The following PPM1B variants were observed in gnomAD, a reference collection of about 807,000 sequenced individuals.
The protein encoded by PPM1B is protein phosphatase, Mg2+/Mn2+ dependent 1B, also known as protein phosphatase 1B.
A neutral mutation model predicts 43.0 loss-of-function variants in PPM1B; 22 were observed. The ratio of observed to expected loss-of-function variants is 0.51; its 90% CI spans 0.37 to 0.73. PPM1B has a LOEUF of 0.73. PPM1B is among the 30% of genes least tolerant of loss of function. The probability of loss-of-function intolerance (pLI) is 0.00; values close to 1 mark genes in which losing one functional copy is unlikely to be tolerated. For synonymous variants in PPM1B, 217 were observed against 197.9 expected, an observed-to-expected ratio of 1.10 and a Z score of -0.81; for missense variants, 632 against 584.2, an observed-to-expected ratio of 1.08 and a Z score of -0.84.
intron 2 of PPM1B, among the ~76,000 whole-genome samples, chr2:44,202,392 A>G (rs971750744): frequency 6.6e-6 from 1 of 152,240 alleles, no homozygotes; most frequent in Non-Finnish European, 1.5e-5. Flanking sequence ...TGTATATAGT[A>G]GAATTCTGTA....
intron 4 of PPM1B, 140 bp from the exon 5 acceptor site, chr2:44,218,340 A>G: frequency 1.4e-6 from 1 of 709,800 alleles, no homozygotes; most frequent in Non-Finnish European, 2.4e-6. Context: ...TTCTGAGAGT[A>G]AAGTGTAGAA....
chr2:44,203,874 G>GT (rs1248652886), intron 2 of PPM1B, among the ~76,000 whole-genome samples: 3 of 152,154 alleles, frequency 2.0e-5, no homozygotes, highest in Admixed American at 6.5e-5. Flanking sequence ...AAGGATGCTA[G>GT]TTTTTGAGAA....
chr2:44,193,575 C>CT (rs575288322), intron 1 of PPM1B, among the ~76,000 whole-genome samples: 1,828 of 116,694 alleles, frequency 0.016, 22 homozygotes, highest in Middle Eastern at 0.019. Flanking sequence ...AATTTTTTTT[C>CT]TTTTTTTTTT....
chr2:44,232,437 T>C, downstream of PPM1B: 2 of 1,574,836 alleles, frequency 1.3e-6, no homozygotes, highest in Non-Finnish European at 1.7e-6. Context: ...GAAAATATTC[T>C]TGCGGATTCC....
chr2:44,199,275 G>C (rs1443875933), intron 1 of PPM1B, among the ~76,000 whole-genome samples: 2 of 136,632 alleles, frequency 1.5e-5, no homozygotes, highest in Admixed American at 7.4e-5. Context: ...AAAAAGAGCC[G>C]GGTGTGGTGG....
chr2:44,197,905 A>G (rs985095063), intron 1 of PPM1B, among the ~76,000 whole-genome samples: 11 of 152,268 alleles, frequency 7.2e-5, no homozygotes, highest in African/African-American at 2.6e-4. Context: ...TGTTATCGCT[A>G]TTTATGTTAC....
chr2:44,233,553 A>G (rs1670527394), downstream of PPM1B: 1 of 985,634 alleles, frequency 1.0e-6, no homozygotes, highest in African/African-American at 1.7e-5. Context: ...CATGGTTTAC[A>G]TGTTGTGGAT....
intron 5 of PPM1B, among the ~76,000 whole-genome samples, chr2:44,227,922 CTT>C (rs59259343): frequency 1.6e-4 from 17 of 106,766 alleles, no homozygotes; most frequent in African/African-American, 1.8e-4. Flanking sequence ...TTTTTCTTTT[CTT>C]TTTTTTTTTT....
intron 1 of PPM1B, among the ~76,000 whole-genome samples, chr2:44,186,619 C>G (rs1365933457): frequency 6.6e-6 from 1 of 152,216 alleles, no homozygotes; most frequent in Non-Finnish European, 1.5e-5. Flanking sequence ...AGGCAATCCA[C>G]CCGCCTGAGC....
In PPM1B at chr2:44,221,962, A is replaced by G. The variant is rs1669997424; in HGVS notation, c.1134+3425A>G. 2.6e-5 allele frequency among the ~76,000 whole-genome samples: 4 copies of G among 152,104 alleles called. No homozygotes were observed. The South Asian group carries it at 6.2e-4, about 24-fold the overall frequency. On this transcript the variant is annotated intron_variant, in intron 5 of 5. Transcript: ENST00000282412. Reference sequence around the variant, plus strand: ...GTGTTCCATCTTCTTACCACAAACAATATTGATATTTTCCCAACTTTTAAA... The same window carrying G: ...GTGTTCCATCTTCTTACCACAAACAGTATTGATATTTTCCCAACTTTTAAA...
rs1668553798 is a variant in PPM1B at position 44,194,341 on chromosome 2, G to C, written c.-14-6845G>C. 2.6e-5 allele frequency among the ~76,000 whole-genome samples: 4 copies of C among 152,094 alleles called. No homozygotes were observed. The South Asian group carries it at 8.3e-4, about 32-fold the overall frequency. On this transcript the variant is annotated intron_variant, in intron 1 of 5. Coordinates refer to ENST00000282412, the MANE Select transcript of PPM1B (RefSeq NM_002706.6). The stretch of plus-strand genomic sequence containing the variant: ...TATTCCTGTGTGTAAGTAATCTGTG[G>C]GTACTTTCTCTGGGACTAGTGAATT...
At chr2:44,214,348 C>T (rs1219212819) in intron 3 of PPM1B, among the ~76,000 whole-genome samples, 4 of 151,310 alleles carry the variant, frequency 2.6e-5, no homozygotes, top group East Asian at 1.9e-4. Context: ...GGATTACAGG[C>T]GTGAGCCACT....
chr2:44,194,895 T>C (rs890225058), intron 1 of PPM1B, among the ~76,000 whole-genome samples: 55 of 149,704 alleles, frequency 3.7e-4, no homozygotes, highest in Non-Finnish European at 7.2e-4. Flanking sequence ...CTCCAGTCTT[T>C]TGCTTTTTTT....
intron 3 of PPM1B, among the ~76,000 whole-genome samples, chr2:44,214,422 G>T (rs1371273425): frequency 6.6e-6 from 1 of 150,930 alleles, no homozygotes; most frequent in African/African-American, 2.4e-5. Flanking sequence ...GCTTATTGAT[G>T]ACACTTGTTA....
chr2:44,209,552 CGGGCA>C, intron 3 of PPM1B: 5 of 403,282 alleles, frequency 1.2e-5, no homozygotes, highest in South Asian at 9.2e-5. Flanking sequence ...CAGGCTGAGG[CGGGCA>C]GATCATGAGG....
chr2:44,217,921 C>G, intron 3 of PPM1B, 46 bp from the exon 4 acceptor site: 1 of 1,278,980 alleles, frequency 7.8e-7, no homozygotes. Flanking sequence ...TTGGTGAGTA[C>G]TGGCTTATCA....
intron 2 of PPM1B, among the ~76,000 whole-genome samples, chr2:44,207,435 A>G (rs1208356369): frequency 6.6e-6 from 1 of 152,236 alleles, no homozygotes; most frequent in Non-Finnish European, 1.5e-5. Flanking sequence ...AAAGTTTGAA[A>G]AAAATCGTTA....
At chr2:44,188,393 CTTTTTTT>C (rs67959948) in intron 1 of PPM1B, among the ~76,000 whole-genome samples, 4 of 92,314 alleles carry the variant, frequency 4.3e-5, no homozygotes, top group South Asian at 3.7e-4. Flanking sequence ...TTCTTTCTTT[CTTTTTTT>C]TTTTTTTTTT....
At chr2:44,187,598 A>G (rs999492354) in intron 1 of PPM1B, among the ~76,000 whole-genome samples, 1 of 152,220 alleles carries the variant, frequency 6.6e-6, no homozygotes, top group African/African-American at 2.4e-5. Flanking sequence ...CCTCTCCGCC[A>G]AGCAGTAGGC....
Sources: gnomAD v4.1 joint callset for allele counts (sites outside exome capture counted in the v4.1 genomes callset) on GRCh38, gnomAD v4.1.1 for gene constraint, MANE v1.5 for transcripts, NCBI Gene and HGNC (gene_info 2026-07-23, HGNC 2026-07-21) for gene names.